IPO8: variants seen among roughly 807,000 people sequenced by gnomAD.
The protein encoded by IPO8 is importin-8.
A neutral mutation model predicts 141.2 loss-of-function variants in IPO8; 65 were observed. That is an observed-to-expected ratio of 0.46 (90% confidence interval 0.38 to 0.57). The LOEUF (loss-of-function observed/expected upper bound fraction) is 0.57, where lower values mean the gene tolerates loss of function less well. Ranked by LOEUF, IPO8 falls within the 20% of genes least tolerant of loss-of-function variation. The pLI is 0.00. For synonymous variants in IPO8, 411 were observed against 420.3 expected (o/e 0.98, Z 0.27); for missense variants, 980 against 1,246.8 (o/e 0.79, Z 3.22).
intron 4 of IPO8, 103 bp downstream of exon 4, chr12:30,681,556 T>A (rs1463999648): frequency 1.2e-5 from 13 of 1,057,344 alleles, no homozygotes; most frequent in Non-Finnish European, 1.8e-5. Context: ...CCCAAACTAA[T>A]CTGATAACCT....
chr12:30,648,182 C>T (rs1397641120), intron 20 of IPO8, among the ~76,000 whole-genome samples: 1 of 152,128 alleles, frequency 6.6e-6, no homozygotes, highest in Non-Finnish European at 1.5e-5. Context: ...ACCCAAATGA[C>T]CAACAACTGA....
intron 21 of IPO8, among the ~76,000 whole-genome samples, chr12:30,638,439 T>C (rs936860734): frequency 2.6e-5 from 4 of 152,120 alleles, no homozygotes; most frequent in Non-Finnish European, 4.4e-5. Flanking sequence ...GCCTCCATCT[T>C]CTCCTGCCTG....
chr12:30,651,563 ATGTG>A (rs376066408), intron 19 of IPO8, among the ~76,000 whole-genome samples: 1 of 151,030 alleles, frequency 6.6e-6, no homozygotes, highest in African/African-American at 2.4e-5. Context: ...TTTCATATTT[ATGTG>A]TGTGTGTGTG....
At chr12:30,676,955 A>G in intron 5 of IPO8, 2 of 1,532,024 alleles carry the variant, frequency 1.3e-6, no homozygotes, top group Non-Finnish European at 1.7e-6. Flanking sequence ...ATTTCATTAA[A>G]CACTCATGAA....
At chr12:30,632,662 T>C (rs1429878424) in intron 23 of IPO8, among the ~76,000 whole-genome samples, 1 of 152,152 alleles carries the variant, frequency 6.6e-6, no homozygotes, top group Non-Finnish European at 1.5e-5. Flanking sequence ...ACCCTCCCCA[T>C]TCCAGGTCTC....
At chr12:30,647,605 A>G (rs1323880721) in intron 20 of IPO8, among the ~76,000 whole-genome samples, 1 of 148,068 alleles carries the variant, frequency 6.8e-6, no homozygotes, top group Non-Finnish European at 1.5e-5. Context: ...ACCGTCTCCA[A>G]AAAAAAAAAA....
At chr12:30,684,529 A>G (rs2053221134) in intron 2 of IPO8, 72 bp from the exon 3 acceptor site, 10 of 1,471,044 alleles carry the variant, frequency 6.8e-6, no homozygotes, top group South Asian at 2.4e-5. Context: ...ACAGAGCATG[A>G]AAGTCCAAAC....
chr12:30,638,425 C>T (rs997073872), intron 21 of IPO8, among the ~76,000 whole-genome samples: 1 of 152,190 alleles, frequency 6.6e-6, no homozygotes, highest in Non-Finnish European at 1.5e-5. Context: ...CCACCCTAAT[C>T]CAGGCCTCCA....
chr12:30,647,142 A>G (rs754680451), intron 20 of IPO8, among the ~76,000 whole-genome samples: 26 of 152,204 alleles, frequency 1.7e-4, no homozygotes, highest in Non-Finnish European at 3.5e-4. Flanking sequence ...GACTGAGTCC[A>G]GAAAAAACCC....
intron 1 of IPO8, among the ~76,000 whole-genome samples, chr12:30,692,183 G>A (rs926375642): frequency 1.1e-4 from 17 of 152,096 alleles, no homozygotes; most frequent in African/African-American, 9.7e-5. Flanking sequence ...ACTGACTTCC[G>A]TTATTTGTTT....
chr12:30,680,659 A>G (rs1252870089), intron 4 of IPO8, 21 bp from the exon 5 acceptor site: 11 of 1,576,420 alleles, frequency 7.0e-6, no homozygotes, highest in Non-Finnish European at 8.6e-6. Context: ...AAAGACAAAA[A>G]CAGAAAAGTA....
intron 23 of IPO8, 62 bp from the exon 24 acceptor site, chr12:30,632,073 A>G: frequency 9.4e-7 from 1 of 1,068,260 alleles, no homozygotes; most frequent in African/African-American, 1.5e-5. Context: ...CAGAACAAGT[A>G]GTAACATGAT....
chr12:30,631,965 T>C lies in IPO8; in HGVS notation c.2946A>G (p.Pro982=), dbSNP rs761800058. ...DAAWYQLLMA[P]LSEDQRTALQ... is the part of the protein sequence containing the mutation. Reference sequence around the variant, plus strand: ...GTGCTGTCCTCTGATCCTCGCTGAGTGGTGCCATCAGCAGCTGGTACCAGG... The same window carrying C: ...GTGCTGTCCTCTGATCCTCGCTGAGCGGTGCCATCAGCAGCTGGTACCAGG... The change falls in exon 24 of 25, where the codon CCA becomes CCG. Residue 982 remains proline (P), a synonymous_variant. Transcript: ENST00000256079. 2 of 1,613,146 alleles carry C rather than the reference T, an allele frequency of 1.2e-6. No homozygotes were observed. The highest frequency in any genetic ancestry group is 1.1e-5 in the South Asian group (1 of 91,052).
At chr12:30,658,943 T>C (rs2052841702) in intron 16 of IPO8, among the ~76,000 whole-genome samples, 1 of 140,840 alleles carries the variant, frequency 7.1e-6, no homozygotes, top group African/African-American at 2.7e-5. Flanking sequence ...TGCAATGGCA[T>C]GATCTCGGCT....
rs1160566841 is a variant in IPO8, at chr12:30,665,228, G to T, written c.1420C>A (p.Arg474=). The part of the protein sequence containing the change: ...PLLLSNLGYL[R]ARSCWVLHAF... ...AAATATGAAAAACTTACTCTAGCTC[G>T]AAGATATCCCAGGTTAGACAATAAT... The change falls in exon 13 of 25, where the codon CGA becomes AGA. Residue 474 remains arginine (R), a synonymous_variant. Transcript: ENST00000256079. 2 of 1,540,734 alleles carry T rather than the reference G, an allele frequency of 1.3e-6. No individual in the cohort carries two copies. The highest frequency in any genetic ancestry group is 1.8e-6 in the Non-Finnish European group (2 of 1,120,600).
chr12:30,637,184 A>G lies in IPO8; in HGVS notation c.2493T>C (p.His831=). 6.2e-7 allele frequency: 1 copy of G among 1,610,718 alleles called. No homozygotes were observed. Among genetic ancestry groups the G allele is most frequent in the Non-Finnish European group, 8.5e-7 (1 of 1,178,514 alleles). The change falls in exon 22 of 25, where the codon CAT becomes CAC. Residue 831 remains histidine (H), a synonymous_variant. Coordinates refer to ENST00000256079, the MANE Select transcript of IPO8 (RefSeq NM_006390.4). ...CTATTATACACATCTTCCGGTCATG[A>G]TGCCTGCAAATTTTGAAGAAAAAAA... The part of the protein sequence containing the change: ...WMNDTDCFLG[H]HDRKMCIIGL...
At position 30,643,412 on chromosome 12, in the gene IPO8, T is replaced by C. The variant is rs533666775; in HGVS notation, c.2269-3677A>G. On this transcript the variant is annotated intron_variant, in intron 20 of 24. Coordinates refer to ENST00000256079, the MANE Select transcript of IPO8 (RefSeq NM_006390.4). The stretch of plus-strand genomic sequence containing the variant: ...GAGTGCATTGTAATGGTAACCTCAC[T>C]AACAGTAGAGATCACCTTGTGTCCT... Among the ~76,000 whole-genome samples the C allele has an allele frequency of 2.6e-4, 40 of 152,322 alleles. 1 individual carries two copies. The South Asian group carries it at 5.6e-3, about 21-fold the overall frequency.
In IPO8 at chr12:30,674,671, C is replaced by T. The variant is rs761559538; in HGVS notation, c.812G>A (p.Arg271Gln). 46 of 1,608,858 alleles carry T rather than the reference C, an allele frequency of 2.9e-5. No homozygotes were observed. The highest frequency in any genetic ancestry group is 1.3e-4 in the Admixed American group (8 of 59,960). The change falls in exon 7 of 25, where the codon CGG becomes CAG. Residue 271 changes from arginine (R) to glutamine (Q), a missense_variant. Physicochemically the swap from Arg to Gln is conservative, Grantham distance 43 (BLOSUM62 1). Coordinates refer to ENST00000256079, the MANE Select transcript of IPO8 (RefSeq NM_006390.4). ...CKKWALHIVARLFERYGSPGN... is the reference protein window; with the variant it reads ...CKKWALHIVAQLFERYGSPGN... Reference sequence around the variant, plus strand: ...AACAGATAATTACCGTTCAAAGAGCCGAGCTACAATATGCAGTGCCCACTT... The same window carrying T: ...AACAGATAATTACCGTTCAAAGAGCTGAGCTACAATATGCAGTGCCCACTT...
intron 10 of IPO8, among the ~76,000 whole-genome samples, chr12:30,668,034 G>A (rs897249177): frequency 3.1e-4 from 46 of 146,402 alleles, no homozygotes; most frequent in African/African-American, 1.1e-3. Flanking sequence ...GGAGGCTGAG[G>A]TGGGAGAGTC....
Sources: gnomAD v4.1 joint callset for allele counts (sites outside exome capture counted in the v4.1 genomes callset) on GRCh38, gnomAD v4.1.1 for gene constraint, MANE v1.5 for transcripts, NCBI Gene and HGNC (gene_info 2026-07-23, HGNC 2026-07-21) for gene names.